The following OPCML variants were observed in gnomAD, a reference collection of about 807,000 sequenced individuals.
OPCML encodes the protein opioid-binding protein/cell adhesion molecule.
A neutral mutation model predicts 37.8 loss-of-function variants in OPCML; 13 were observed. The observed-to-expected ratio is 0.34, with a 90% CI of 0.22 to 0.55. OPCML has a LOEUF of 0.55. OPCML is among the 20% of genes least tolerant of loss of function. OPCML has a pLI of 0.91. For missense variants in OPCML, 341 were observed against 435.6 expected (o/e 0.78, Z 1.93); for synonymous variants, 176 against 168.8 (o/e 1.04, Z -0.33).
intron 1 of OPCML, among the ~76,000 whole-genome samples, chr11:133,239,228 G>A (rs2136405230): frequency 6.6e-6 from 1 of 152,354 alleles, no homozygotes; most frequent in East Asian, 1.9e-4. Flanking sequence ...TACTCGGTCA[G>A]ATGTCGCTGG....
chr11:132,481,139 A>C (rs1285782051), intron 4 of OPCML, among the ~76,000 whole-genome samples: 2 of 152,220 alleles, frequency 1.3e-5, no homozygotes, highest in African/African-American at 2.4e-5. Context: ...AATTGGATAA[A>C]GAGTCAAGAC....
At chr11:133,380,993 G>T (rs1592249934) in intron 1 of OPCML, among the ~76,000 whole-genome samples, 1 of 152,212 alleles carries the variant, frequency 6.6e-6, no homozygotes, top group Admixed American at 6.5e-5. Context: ...TGGAGGGAAG[G>T]CAAGGACAGG....
At chr11:132,578,701 A>C (rs2096456092) in intron 3 of OPCML, among the ~76,000 whole-genome samples, 1 of 152,244 alleles carries the variant, frequency 6.6e-6, no homozygotes, top group Non-Finnish European at 1.5e-5. Flanking sequence ...TTTTGAATAA[A>C]GAAAACAACA....
chr11:133,077,409 G>A (rs569825422), intron 1 of OPCML, among the ~76,000 whole-genome samples: 1 of 152,108 alleles, frequency 6.6e-6, no homozygotes, highest in African/African-American at 2.4e-5. Context: ...AATAAAGCAA[G>A]ATCCCTACCT....
chr11:133,249,416 G>A (rs998527748), intron 1 of OPCML, among the ~76,000 whole-genome samples: 2 of 152,122 alleles, frequency 1.3e-5, no homozygotes, highest in Non-Finnish European at 2.9e-5. Context: ...TGAGATATCT[G>A]CCCCCATGAC....
intron 4 of OPCML, among the ~76,000 whole-genome samples, chr11:132,471,200 A>G (rs989085253): frequency 5.3e-5 from 8 of 152,202 alleles, no homozygotes; most frequent in Admixed American, 3.3e-4. Flanking sequence ...GGTGAGGCCA[A>G]AAAACACAGC....
intron 2 of OPCML, among the ~76,000 whole-genome samples, chr11:132,735,666 G>A (rs888720946): frequency 2.0e-5 from 3 of 152,052 alleles, no homozygotes; most frequent in Non-Finnish European, 2.9e-5. Flanking sequence ...TGTATTTTTA[G>A]TAGAGACGCG....
chr11:133,392,567 C>G (rs1248572225), intron 1 of OPCML, among the ~76,000 whole-genome samples: 1 of 152,150 alleles, frequency 6.6e-6, no homozygotes, highest in African/African-American at 2.4e-5. Context: ...TCAGGGGGAC[C>G]TGAGCCCCAG....
intron 2 of OPCML, among the ~76,000 whole-genome samples, chr11:132,693,053 A>T (rs1033593180): frequency 6.6e-6 from 1 of 152,212 alleles, no homozygotes; most frequent in Non-Finnish European, 1.5e-5. Context: ...ATCATTGGAG[A>T]ATATGTCCTC....
chr11:132,672,752 C>T (rs779560933), intron 2 of OPCML, among the ~76,000 whole-genome samples: 10 of 152,140 alleles, frequency 6.6e-5, no homozygotes, highest in Admixed American at 1.3e-4. Flanking sequence ...CAACCCCTCT[C>T]TATTAACAGG....
chr11:132,559,863 A>G (rs1008871092), intron 3 of OPCML, among the ~76,000 whole-genome samples: 1 of 152,232 alleles, frequency 6.6e-6, no homozygotes, highest in African/African-American at 2.4e-5. Flanking sequence ...TCCTGGTTTT[A>G]AAACCAGACT....
At chr11:133,521,717 C>A (rs1263733107) in intron 1 of OPCML, among the ~76,000 whole-genome samples, 30 of 152,218 alleles carry the variant, frequency 2.0e-4, no homozygotes, top group Admixed American at 1.9e-3. Flanking sequence ...TCTCTTGGAG[C>A]CTGTAAGCTG....
chr11:132,573,692 C>A (rs1361373198), intron 3 of OPCML, among the ~76,000 whole-genome samples: 1 of 151,866 alleles, frequency 6.6e-6, no homozygotes, highest in Non-Finnish European at 1.5e-5. Context: ...CTATAGTTTT[C>A]TTTTCCTGTG....
At chr11:132,980,122 T>TATTC (rs1565379449) in intron 1 of OPCML, among the ~76,000 whole-genome samples, 1 of 152,204 alleles carries the variant, frequency 6.6e-6, no homozygotes, top group African/African-American at 2.4e-5. Context: ...GGCAAATGTA[T>TATTC]ATTCACCAAC....
intron 1 of OPCML, among the ~76,000 whole-genome samples, chr11:133,381,052 A>C (rs913136307): frequency 2.6e-5 from 4 of 152,218 alleles, no homozygotes; most frequent in African/African-American, 7.2e-5. Context: ...CAGAGTGTGG[A>C]GGTAAGGAAT....
At chr11:133,529,538 G>A (rs1948560791) in intron 1 of OPCML, among the ~76,000 whole-genome samples, 1 of 152,140 alleles carries the variant, frequency 6.6e-6, no homozygotes, top group South Asian at 2.1e-4. Flanking sequence ...CAGAAATTCT[G>A]CCTAGAAAAG....
intron 2 of OPCML, among the ~76,000 whole-genome samples, chr11:132,765,292 G>A (rs905770987): frequency 8.5e-5 from 13 of 152,166 alleles, no homozygotes; most frequent in Non-Finnish European, 1.3e-4. Flanking sequence ...ACAAGACGTC[G>A]TCAGTGAGTA....
intron 4 of OPCML, among the ~76,000 whole-genome samples, chr11:132,481,194 C>A (rs2096179125): frequency 6.6e-6 from 1 of 152,100 alleles, no homozygotes; most frequent in African/African-American, 2.4e-5. Context: ...TGTGCAGAGA[C>A]ACACATAGGC....
At position 132,999,577 on chromosome 11, in the gene OPCML, G is replaced by GGGGA. The variant is rs372561939; in HGVS notation, c.62-56568_62-56567insTCCC. ...CAAGTGACAAATGGGGTCGGGGGGG[G>GGGGA]AATGCCACCGGTAATGAACAAAAGC... On this transcript the variant is annotated intron_variant, in intron 1 of 7. Coordinates refer to ENST00000524381, the MANE Select transcript of OPCML (RefSeq NM_001012393.5). Among the ~76,000 whole-genome samples the GGGGA allele has an allele frequency of 1.1e-3, 154 of 146,380 alleles. 3 individuals carry two copies. Among genetic ancestry groups the GGGGA allele is most frequent in the African/African-American group, 4.0e-3 (148 of 36,986 alleles).
Sources: allele counts gnomAD v4.1 joint callset (sites outside exome capture counted in the v4.1 genomes callset), GRCh38; gene constraint gnomAD v4.1.1; transcripts MANE v1.5; gene names NCBI Gene and HGNC (gene_info 2026-07-23, HGNC 2026-07-21).